The following GFRA2 variants were observed in gnomAD, a reference collection of about 807,000 sequenced individuals.
The protein encoded by GFRA2 is GDNF family receptor alpha-2.
GFRA2 carries 17 observed loss-of-function variants against 48.3 expected under a neutral mutation model. That is an observed-to-expected ratio of 0.35 (90% CI 0.24 to 0.53). The LOEUF (loss-of-function observed/expected upper bound fraction) is 0.53, where lower values mean the gene tolerates loss of function less well. Among genes scored for constraint, GFRA2 ranks in the 20% least tolerant of loss-of-function variants. GFRA2 has a pLI of 0.93. For missense variants in GFRA2, 660 were observed against 637.3 expected, an observed-to-expected ratio of 1.04 and a Z score of -0.38; for synonymous variants, 305 against 257.2, an observed-to-expected ratio of 1.19 and a Z score of -1.78.
intron 4 of GFRA2, among the ~76,000 whole-genome samples, chr8:21,737,831 A>G (rs1804546936): frequency 6.6e-6 from 1 of 151,998 alleles, no homozygotes; most frequent in Non-Finnish European, 1.5e-5. Context: ...ACCTAATCAA[A>G]CAGGGCCTCC....
chr8:21,735,369 GC>G lies in GFRA2; in HGVS notation c.794+15218del, dbSNP rs375250284. Among the ~76,000 whole-genome samples the G allele has an allele frequency of 4.9e-3, 737 of 150,370 alleles. 4 individuals are homozygous for G. The highest frequency in any genetic ancestry group is 0.013 in the African/African-American group (532 of 40,914). Reference sequence around the variant, plus strand: ...AGGTGTAGAAAGATGTGGAAACCAAGCCCCCCCCCAATCCACCCCTGCCAGG... The same window carrying G: ...AGGTGTAGAAAGATGTGGAAACCAAGCCCCCCCCAATCCACCCCTGCCAGG... On this transcript the variant is annotated intron_variant, in intron 4 of 8. Transcript: ENST00000524240.
At chr8:21,756,427 C>G (rs1247467870) in intron 3 of GFRA2, among the ~76,000 whole-genome samples, 1 of 152,172 alleles carries the variant, frequency 6.6e-6, no homozygotes, top group South Asian at 2.1e-4. Flanking sequence ...CGGGCCTGGG[C>G]TCTGAGGCTC....
chr8:21,732,538 G>A (rs184717380), intron 4 of GFRA2, among the ~76,000 whole-genome samples: 113 of 152,290 alleles, frequency 7.4e-4, no homozygotes, highest in African/African-American at 2.6e-3. Flanking sequence ...CCAGGGAAGA[G>A]CCCCCAGCAG....
intron 3 of GFRA2, among the ~76,000 whole-genome samples, chr8:21,767,459 C>T (rs1437751252): frequency 1.3e-5 from 2 of 152,240 alleles, no homozygotes; most frequent in Admixed American, 6.5e-5. Flanking sequence ...GTTACAGGAG[C>T]GTGCAGGCAT....
chr8:21,736,028 C>G (rs1051381565), intron 4 of GFRA2, among the ~76,000 whole-genome samples: 2 of 152,246 alleles, frequency 1.3e-5, no homozygotes, highest in Non-Finnish European at 2.9e-5. Context: ...CTGGTTCACT[C>G]GGGCTCCCTC....
At chr8:21,724,489 A>G (rs1803761516) in intron 4 of GFRA2, among the ~76,000 whole-genome samples, 1 of 152,130 alleles carries the variant, frequency 6.6e-6, no homozygotes, top group African/African-American at 2.4e-5. Flanking sequence ...TGGCCATTTG[A>G]TAGCCTCCTC....
In GFRA2 at chr8:21,693,442, A is replaced by T. The variant is rs1801971193; in HGVS notation, c.1273-42T>A. On this transcript the variant is annotated intron_variant, in intron 8 of 8. Coordinates refer to ENST00000524240, the MANE Select transcript of GFRA2 (RefSeq NM_001495.5). ...AGAAGAATCAGGAACAAAGAGAATG[A>T]AAACAAAGAAAACAGTCAGGAGGCC... 3 of 1,554,234 alleles carry T rather than the reference A, an allele frequency of 1.9e-6. No homozygotes were observed. The East Asian group carries it at 7.1e-5, about 37-fold the overall frequency.
intron 3 of GFRA2, among the ~76,000 whole-genome samples, chr8:21,757,152 G>A (rs1382215734): frequency 1.3e-5 from 2 of 152,154 alleles, no homozygotes; most frequent in African/African-American, 4.8e-5. Context: ...GGGGAGCACA[G>A]CCAGCAGCAG....
intron 4 of GFRA2, among the ~76,000 whole-genome samples, chr8:21,722,363 T>A (rs1032588878): frequency 6.6e-6 from 1 of 152,178 alleles, no homozygotes; most frequent in Non-Finnish European, 1.5e-5. Context: ...ACCAGATTAT[T>A]TGTGGTCCCA....
intron 7 of GFRA2, among the ~76,000 whole-genome samples, chr8:21,700,683 C>T (rs906626870): frequency 1.3e-5 from 2 of 152,154 alleles, no homozygotes; most frequent in Non-Finnish European, 2.9e-5. Context: ...CAGATACCCA[C>T]GTAGGGACCC....
chr8:21,797,202 C>G (rs776286778), intron 2 of GFRA2, among the ~76,000 whole-genome samples: 1 of 149,910 alleles, frequency 6.7e-6, no homozygotes, highest in Non-Finnish European at 1.5e-5. Flanking sequence ...GTGACAGGAT[C>G]TTGTTTGACT....
intron 2 of GFRA2, among the ~76,000 whole-genome samples, chr8:21,777,311 G>C (rs1184908627): frequency 1.3e-5 from 2 of 151,972 alleles, no homozygotes; most frequent in Non-Finnish European, 2.9e-5. Flanking sequence ...CCGCCAGATG[G>C]TGCCCCGGGG....
intron 2 of GFRA2, among the ~76,000 whole-genome samples, chr8:21,804,148 C>A (rs1161087808): frequency 6.6e-6 from 1 of 151,978 alleles, no homozygotes; most frequent in Non-Finnish European, 1.5e-5. Context: ...TTACCACAAA[C>A]CTATACTGCT....
chr8:21,728,770 G>C (rs1804023438), intron 4 of GFRA2, among the ~76,000 whole-genome samples: 1 of 152,204 alleles, frequency 6.6e-6, no homozygotes, highest in East Asian at 1.9e-4. Context: ...GTCCTTATCT[G>C]AACACAAAGA....
chr8:21,694,592 G>A, intron 7 of GFRA2, 75 bp from the exon 8 acceptor site: 1 of 1,391,882 alleles, frequency 7.2e-7, no homozygotes, highest in South Asian at 1.2e-5. Context: ...AGACTTAGAT[G>A]AGGCCCCGCC....
chr8:21,739,104 C>T (rs112796006), intron 4 of GFRA2, among the ~76,000 whole-genome samples: 22 of 152,278 alleles, frequency 1.4e-4, no homozygotes, highest in Middle Eastern at 3.4e-3. Context: ...TCACATGCTC[C>T]GAAGGGTTCC....
chr8:21,713,314 C>A (rs1053621426), intron 4 of GFRA2, among the ~76,000 whole-genome samples: 3 of 151,938 alleles, frequency 2.0e-5, no homozygotes, highest in African/African-American at 7.3e-5. Flanking sequence ...CACCCCCGCC[C>A]CACCCACCGT....
At chr8:21,707,462 T>C (rs921362594) in intron 4 of GFRA2, among the ~76,000 whole-genome samples, 2 of 152,130 alleles carry the variant, frequency 1.3e-5, no homozygotes, top group African/African-American at 2.4e-5. Context: ...GCCCCCACCA[T>C]GCAGACACGG....
In GFRA2 at chr8:21,788,824, T is replaced by C; in HGVS notation, c.-665A>G. 1.0e-6 allele frequency: 1 copy of C among 982,402 alleles called. No individual in the cohort carries two copies. The highest frequency in any genetic ancestry group is 1.2e-6 in the Non-Finnish European group (1 of 827,262). The allele number at this position is 982,402 out of a possible 1,614,324, so 60.9% of individuals were successfully genotyped here. ...TGCGTGTGTCTTTCTCTCTCCTCTC[T>C]CTCTCTCTCCTCTCCCTCGCTCGCT... On this transcript the variant is annotated 5_prime_UTR_variant, in exon 1 of 9. Coordinates refer to ENST00000524240, the MANE Select transcript of GFRA2 (RefSeq NM_001495.5).
Sources: gnomAD v4.1 joint callset for allele counts (sites outside exome capture counted in the v4.1 genomes callset) on GRCh38, gnomAD v4.1.1 for gene constraint, MANE v1.5 for transcripts, NCBI Gene and HGNC (gene_info 2026-07-23, HGNC 2026-07-21) for gene names.